Variants in CNGB3 observed in about 807,000 individuals in gnomAD.
CNGB3 encodes cyclic nucleotide gated channel subunit beta 3.
A neutral mutation model predicts 92.8 loss-of-function variants in CNGB3; 86 were observed. The ratio of observed to expected loss-of-function variants is 0.93; its 90% CI spans 0.78 to 1.11. The LOEUF is 1.11. CNGB3 is among the 50% of genes least tolerant of loss of function. The probability of loss-of-function intolerance (pLI) is 0.00; values close to 1 mark genes in which losing one functional copy is unlikely to be tolerated. For missense variants in CNGB3, 1,026 were observed against 956.8 expected, an observed-to-expected ratio of 1.07 and a Z score of -0.95; for synonymous variants, 333 against 332.7, an observed-to-expected ratio of 1.00 and a Z score of -0.01.
At chr8:86,641,563 T>A (rs1823187300) in intron 10 of CNGB3, among the ~76,000 whole-genome samples, 1 of 151,872 alleles carries the variant, frequency 6.6e-6, no homozygotes, top group Non-Finnish European at 1.5e-5. Flanking sequence ...CCTGTACTTC[T>A]CCCCAAAACT....
At chr8:86,738,385 G>C (rs549099550) in intron 2 of CNGB3, among the ~76,000 whole-genome samples, 1 of 152,248 alleles carries the variant, frequency 6.6e-6, no homozygotes, top group African/African-American at 2.4e-5. Context: ...TCAAAGTGGT[G>C]GTTAATGGAA....
chr8:86,703,037 C>T (rs1824583289), intron 3 of CNGB3, among the ~76,000 whole-genome samples: 1 of 151,804 alleles, frequency 6.6e-6, no homozygotes, highest in Non-Finnish European at 1.5e-5. Flanking sequence ...TTTGGCATGC[C>T]ATAAGGAGCT....
intron 1 of CNGB3, among the ~76,000 whole-genome samples, chr8:86,740,655 TAG>T (rs1407558041): frequency 5.9e-5 from 9 of 152,188 alleles, no homozygotes; most frequent in African/African-American, 1.9e-4. Flanking sequence ...GTGCCTGCTA[TAG>T]AGTTTTGACA....
At chr8:86,660,418 AGAACTCAGAATAGGGTGT>A in intron 6 of CNGB3, 8 of 475,842 alleles carry the variant, frequency 1.7e-5, no homozygotes, top group South Asian at 1.2e-4. Flanking sequence ...GGGCCACACT[AGAACTCAGAATAGGGTGT>A]GGTCTCAATG....
intron 13 of CNGB3, among the ~76,000 whole-genome samples, chr8:86,620,197 C>G (rs918650378): frequency 6.6e-6 from 1 of 152,174 alleles, no homozygotes; most frequent in Non-Finnish European, 1.5e-5. Context: ...TGTTTGCTCT[C>G]CGTAAAATGG....
At chr8:86,695,317 G>A (rs981143063) in intron 3 of CNGB3, among the ~76,000 whole-genome samples, 2 of 151,940 alleles carry the variant, frequency 1.3e-5, no homozygotes, top group South Asian at 4.2e-4. Context: ...CCATGGGGAG[G>A]GGGAGAGGGA....
At chr8:86,608,215 T>G (rs1334037349) in intron 14 of CNGB3, among the ~76,000 whole-genome samples, 1 of 152,236 alleles carries the variant, frequency 6.6e-6, no homozygotes, top group African/African-American at 2.4e-5. Context: ...TAATCCTCGC[T>G]CTATAATCAT....
chr8:86,592,099 T>A (rs1822057558), intron 15 of CNGB3, among the ~76,000 whole-genome samples: 1 of 152,116 alleles, frequency 6.6e-6, no homozygotes, highest in African/African-American at 2.4e-5. Context: ...AGTGACCCGA[T>A]TTTCCAGGTG....
chr8:86,631,781 A>T (rs374850760), intron 11 of CNGB3, among the ~76,000 whole-genome samples: 97 of 152,282 alleles, frequency 6.4e-4, no homozygotes, highest in African/African-American at 2.3e-3. Context: ...GTATTTCATT[A>T]ACATGTTAAG....
At position 86,623,891 on chromosome 8, in the gene CNGB3, T is replaced by C. The variant is rs369124007; in HGVS notation, c.1578+2092A>G. On this transcript the variant is annotated intron_variant, in intron 13 of 17. Coordinates refer to ENST00000320005, the MANE Select transcript of CNGB3 (RefSeq NM_019098.5). ...AAACTATGGGCTTTTTGGGTTTGAA[T>C]ATACCCAATATTTCGCCACTTCTCA... Among the ~76,000 whole-genome samples, 116 of 152,342 alleles carry C rather than the reference T, an allele frequency of 7.6e-4. 1 individual carries two copies. Among genetic ancestry groups the C allele is most frequent in the African/African-American group, 2.6e-3 (109 of 41,584 alleles).
At position 86,585,936 on chromosome 8, in the gene CNGB3, C is replaced by T. The variant is rs544672934; in HGVS notation, c.1782-6684G>A. 1.7e-4 allele frequency among the ~76,000 whole-genome samples: 26 copies of T among 152,246 alleles called. No individual in the cohort carries two copies. In the East Asian group the frequency reaches 2.1e-3, roughly 12 times the overall value. ...CCCAGCTCTCTCTTTGTTGCTCAGACATGATCAATGGTATACATTTAGAAT... is the reference window on the plus strand; with the variant it reads ...CCCAGCTCTCTCTTTGTTGCTCAGATATGATCAATGGTATACATTTAGAAT... On this transcript the variant is annotated intron_variant, in intron 15 of 17. Transcript: ENST00000320005.
At chr8:86,618,483 A>T (rs1262260649) in intron 13 of CNGB3, among the ~76,000 whole-genome samples, 5 of 151,932 alleles carry the variant, frequency 3.3e-5, no homozygotes, top group Admixed American at 1.3e-4. Context: ...GTCCCTTACA[A>T]CCAAGTATGT....
intron 3 of CNGB3, among the ~76,000 whole-genome samples, chr8:86,716,643 G>A (rs762330851): frequency 1.7e-4 from 26 of 152,080 alleles, no homozygotes; most frequent in Non-Finnish European, 3.5e-4. Flanking sequence ...GAAGGAAAGA[G>A]ACAGTCTTTT....
At chr8:86,639,577 T>C (rs1164759111) in intron 10 of CNGB3, among the ~76,000 whole-genome samples, 2 of 152,036 alleles carry the variant, frequency 1.3e-5, no homozygotes, top group Non-Finnish European at 2.9e-5. Flanking sequence ...TGAGCAACCT[T>C]CAATTTATAG....
intron 3 of CNGB3, among the ~76,000 whole-genome samples, chr8:86,674,726 T>C (rs1231530946): frequency 1.3e-5 from 2 of 152,210 alleles, no homozygotes; most frequent in African/African-American, 4.8e-5. Flanking sequence ...AAAGTTTTGG[T>C]AAACAGTAAA....
chr8:86,643,642 C>T, intron 10 of CNGB3, 109 bp downstream of exon 10: 1 of 1,174,406 alleles, frequency 8.5e-7, no homozygotes, highest in Non-Finnish European at 1.2e-6. Flanking sequence ...ATTTACCAGC[C>T]ATTGAATGGG....
rs1023735228 is a variant in CNGB3 at position 86,574,272 on chromosome 8, C to G, written c.*1532G>C. ...ACAAGTTGAGGACTTTTGTCCTTTT[C>G]TTTTCCTATTATCAGATGCTTCAGC... is the stretch of plus-strand genomic sequence containing the variant. On this transcript the variant is annotated 3_prime_UTR_variant, in exon 18 of 18. Transcript: ENST00000320005. 1 of 152,108 alleles carries G rather than the reference C, an allele frequency of 6.6e-6. No individual in the cohort carries two copies. Among genetic ancestry groups the G allele is most frequent in the Non-Finnish European group, 1.5e-5 (1 of 67,978 alleles). 9.4% of individuals were successfully genotyped at this position (152,108 alleles called of 1,614,324 possible).
intron 3 of CNGB3, among the ~76,000 whole-genome samples, chr8:86,671,404 G>A (rs1823860203): frequency 6.6e-6 from 1 of 152,156 alleles, no homozygotes; most frequent in African/African-American, 2.4e-5. Context: ...GGTGGGGCAG[G>A]CAGAAGCCTA....
chr8:86,671,703 G>T (rs1244467896), intron 3 of CNGB3, among the ~76,000 whole-genome samples: 1 of 152,210 alleles, frequency 6.6e-6, no homozygotes, highest in East Asian at 1.9e-4. Context: ...ATTTCATGAG[G>T]CCTCTAGGAG....
Sources: gnomAD v4.1 joint callset for allele counts (sites outside exome capture counted in the v4.1 genomes callset) on GRCh38, gnomAD v4.1.1 for gene constraint, MANE v1.5 for transcripts, NCBI Gene and HGNC (gene_info 2026-07-23, HGNC 2026-07-21) for gene names.